Variants in NAA15 observed in about 807,000 individuals in gnomAD.
NAA15 encodes the protein N-alpha-acetyltransferase 15, NatA auxiliary subunit, also known as N-terminal acetyltransferase.
NAA15 carries 34 observed loss-of-function variants against 114.0 expected under a neutral mutation model. The observed-to-expected ratio is 0.30, with a 90% CI of 0.23 to 0.40. The LOEUF (loss-of-function observed/expected upper bound fraction) is 0.40, where lower values mean the gene tolerates loss of function less well. Among genes scored for constraint, NAA15 ranks in the 10% least tolerant of loss-of-function variants. The pLI, the probability that NAA15 is intolerant of heterozygous loss-of-function variation, is 1.00. For missense variants in NAA15, 658 were observed against 1,004.5 expected, an observed-to-expected ratio of 0.66 and a Z score of 4.66; for synonymous variants, 340 against 338.0, an observed-to-expected ratio of 1.01 and a Z score of -0.06.
rs1747509413 is a variant in NAA15 at position 139,344,342 on chromosome 4, A to AT, written c.691+8dup. 14 of 1,600,796 alleles carry AT rather than the reference A, an allele frequency of 8.7e-6. No homozygotes were observed. Among genetic ancestry groups the AT allele is most frequent in the Non-Finnish European group, 1.2e-5 (14 of 1,173,890 alleles). On this transcript the variant is annotated splice_donor_region_variant and intron_variant, in intron 6 of 19. Transcript: ENST00000296543. Reference sequence around the variant, plus strand: ...ACTTGCTGTAGAAGAAACCAAAGGTATTTTTAAAAGAATTGTCATTTATTC... The same window carrying AT: ...ACTTGCTGTAGAAGAAACCAAAGGTATTTTTTAAAAGAATTGTCATTTATTC...
intron 1 of NAA15, among the ~76,000 whole-genome samples, chr4:139,315,761 C>T (rs1315657873): frequency 1.3e-5 from 2 of 151,334 alleles, no homozygotes; most frequent in Non-Finnish European, 2.9e-5. Context: ...GTCTTATATT[C>T]TGTTTGATGT....
At position 139,342,977 on chromosome 4, in the gene NAA15, A is replaced by G. The variant is rs376562493; in HGVS notation, c.537+17A>G. The G allele has an allele frequency of 8.9e-5, 143 of 1,604,206 alleles. 1 individual carries two copies. Among genetic ancestry groups the G allele is most frequent in the Non-Finnish European group, 1.2e-4 (138 of 1,173,064 alleles). ...ACACAACAGGTAATAACTAGAAGCC[A>G]TTTTACTAAGTCTGATCCTAAGTAT... On this transcript the variant is annotated intron_variant, in intron 5 of 19. Coordinates refer to ENST00000296543, the MANE Select transcript of NAA15 (RefSeq NM_057175.5).
intron 1 of NAA15, among the ~76,000 whole-genome samples, chr4:139,305,732 C>T (rs932625752): frequency 1.3e-5 from 2 of 152,046 alleles, no homozygotes; most frequent in Non-Finnish European, 2.9e-5. Context: ...TGGGGTTTCT[C>T]CATGTTGTTC....
intron 15 of NAA15, among the ~76,000 whole-genome samples, chr4:139,371,484 A>G (rs1345765356): frequency 3.6e-5 from 5 of 139,682 alleles, no homozygotes; most frequent in Admixed American, 7.7e-5. Context: ...TAAAAAAAAA[A>G]AAAAGAAAAG....
In NAA15 at chr4:139,327,561, T is replaced by C. The variant is rs115132019; in HGVS notation, c.55-6613T>C. ...GAGCCACTGCGCCCAGCCTGACCAG[T>C]AAATCTTATTCTCATTCTTTTTCCT... On this transcript the variant is annotated intron_variant, in intron 1 of 19. Transcript: ENST00000296543. 6.8e-3 allele frequency among the ~76,000 whole-genome samples: 1,041 copies of C among 152,312 alleles called. 10 individuals carry two copies. The highest frequency in any genetic ancestry group is 0.023 in the African/African-American group (962 of 41,570).
At chr4:139,365,018 C>T (rs117160082) in intron 14 of NAA15, among the ~76,000 whole-genome samples, 1,800 of 152,024 alleles carry the variant, frequency 0.012, 12 homozygotes, top group East Asian at 0.03. Context: ...ACTAATAATG[C>T]TTCATGATAA....
At chr4:139,372,119 T>C (rs192387019) in intron 15 of NAA15, among the ~76,000 whole-genome samples, 1 of 152,240 alleles carries the variant, frequency 6.6e-6, no homozygotes, top group Admixed American at 6.5e-5. Flanking sequence ...GGTTTCACTG[T>C]GTTAGCTAGG....
At chr4:139,358,613 C>A (rs1307420839) in intron 11 of NAA15, among the ~76,000 whole-genome samples, 1 of 151,924 alleles carries the variant, frequency 6.6e-6, no homozygotes, top group East Asian at 1.9e-4. Context: ...AGGTTTGTTA[C>A]ATAGGTATAC....
At chr4:139,333,648 G>A (rs1262441227) in intron 1 of NAA15, among the ~76,000 whole-genome samples, 8 of 152,184 alleles carry the variant, frequency 5.3e-5, no homozygotes, top group African/African-American at 1.9e-4. Context: ...AGGCCGAGGT[G>A]GGAGGATTGC....
chr4:139,375,468 CTTTTT>C (rs1279223649), intron 15 of NAA15, among the ~76,000 whole-genome samples: 1 of 148,762 alleles, frequency 6.7e-6, no homozygotes, highest in Non-Finnish European at 1.5e-5. Context: ...CTTTTCTTTT[CTTTTT>C]TTAAATGCAG....
intron 1 of NAA15, among the ~76,000 whole-genome samples, chr4:139,319,892 ATCTT>A (rs1244514288): frequency 2.0e-5 from 3 of 152,174 alleles, no homozygotes; most frequent in Admixed American, 6.5e-5. Context: ...TTCTTTAAAC[ATCTT>A]TCTTTGTGTT....
chr4:139,382,964 C>T (rs554650687), intron 17 of NAA15, among the ~76,000 whole-genome samples: 414 of 152,010 alleles, frequency 2.7e-3, no homozygotes, highest in Non-Finnish European at 4.6e-3. Flanking sequence ...ACTCAAAAAC[C>T]CAAAATAAAA....
In NAA15 at chr4:139,370,301, C is replaced by T; in HGVS notation, c.1844C>T (p.Ala615Val). 6.3e-7 allele frequency: 1 copy of T among 1,592,984 alleles called. No individual in the cohort carries two copies. The highest frequency in any genetic ancestry group is 1.1e-5 in the South Asian group (1 of 87,790). Residue 615 changes from alanine (A) to valine (V), a missense_variant, in exon 15 of 20, where the codon GCA (alanine) becomes GTA (valine). Coordinates refer to ENST00000296543, the MANE Select transcript of NAA15 (RefSeq NM_057175.5). ...CAGATAGAAGAAGAGAAAAAAAATG[C>T]AGAAAAAGAAAAGCAGCAGAGAAAT... Reference protein sequence around the residue: ...KAQIEEEKKNAEKEKQQRNQK... With the variant: ...KAQIEEEKKNVEKEKQQRNQK...
intron 10 of NAA15, among the ~76,000 whole-genome samples, chr4:139,355,826 T>C (rs1299535640): frequency 6.6e-6 from 1 of 152,330 alleles, no homozygotes; most frequent in African/African-American, 2.4e-5. Context: ...CTTCTATTAG[T>C]AGGCATACGT....
intron 1 of NAA15, among the ~76,000 whole-genome samples, chr4:139,304,526 G>T (rs983266806): frequency 2.6e-5 from 4 of 152,032 alleles, no homozygotes; most frequent in Non-Finnish European, 5.9e-5. Flanking sequence ...TATGTAAAGT[G>T]GTGTAGTATT....
chr4:139,349,654 G>A (rs1474098388), intron 7 of NAA15, 73 bp downstream of exon 7: 3 of 1,403,950 alleles, frequency 2.1e-6, no homozygotes, highest in Non-Finnish European at 2.9e-6. Context: ...TCATTGAAAA[G>A]CACAACTAGA....
intron 1 of NAA15, among the ~76,000 whole-genome samples, chr4:139,314,998 C>CAGTTT (rs147452755): frequency 0.039 from 2,567 of 66,598 alleles, 214 homozygotes; most frequent in Middle Eastern, 0.052. Flanking sequence ...CAGTTCAGTT[C>CAGTTT]AGTTTAGTTT....
intron 1 of NAA15, among the ~76,000 whole-genome samples, chr4:139,312,242 A>G (rs182242561): frequency 6.6e-6 from 1 of 152,076 alleles, no homozygotes; most frequent in East Asian, 1.9e-4. Context: ...TCTGATAGTA[A>G]GAAGGGTGAG....
At chr4:139,347,653 A>G (rs1282454888) in intron 6 of NAA15, among the ~76,000 whole-genome samples, 2 of 152,190 alleles carry the variant, frequency 1.3e-5, no homozygotes, top group Non-Finnish European at 2.9e-5. Flanking sequence ...AAAAAGAAAG[A>G]ATGAATGAAT....
Sources: allele counts gnomAD v4.1 joint callset (sites outside exome capture counted in the v4.1 genomes callset), GRCh38; gene constraint gnomAD v4.1.1; transcripts MANE v1.5; gene names NCBI Gene and HGNC (gene_info 2026-07-23, HGNC 2026-07-21).